Variants in RASSF9 observed in about 807,000 individuals in gnomAD.
The protein encoded by RASSF9 is ras association domain-containing protein 9.
In RASSF9, 18 loss-of-function variants were observed where a neutral mutation model predicts 21.4. The ratio of observed to expected loss-of-function variants is 0.84; its 90% CI spans 0.58 to 1.25. The LOEUF (loss-of-function observed/expected upper bound fraction) is 1.25. Among genes scored for constraint, RASSF9 ranks in the 50% most tolerant of loss-of-function variants. RASSF9 has a pLI of 0.00. For missense variants in RASSF9, 480 were observed against 503.2 expected, an observed-to-expected ratio of 0.95 and a Z score of 0.44; for synonymous variants, 183 against 179.1, an observed-to-expected ratio of 1.02 and a Z score of -0.18.
chr12:85,828,574 T>A (rs924991360), intron 1 of RASSF9, among the ~76,000 whole-genome samples: 9 of 152,156 alleles, frequency 5.9e-5, no homozygotes, highest in Non-Finnish European at 1.5e-5. Context: ...TTTTACTTAA[T>A]CTTCTAAATT....
chr12:85,804,597 A>G lies in RASSF9; in HGVS notation c.*105T>C. 1 of 1,184,764 alleles carries G rather than the reference A, an allele frequency of 8.4e-7. No homozygotes were observed. Among genetic ancestry groups the G allele is most frequent in the East Asian group, 2.6e-5 (1 of 38,946 alleles). 73.4% of individuals were successfully genotyped at this position (1,184,764 alleles called of 1,614,324 possible). On this transcript the variant is annotated 3_prime_UTR_variant, in exon 2 of 2. Transcript: ENST00000361228. ...GAGTTTTTATTAACTATTGAATACT[A>G]CAATATGATTTACATTTTTTTGAGT...
intron 1 of RASSF9, among the ~76,000 whole-genome samples, chr12:85,820,023 G>A (rs1224060638): frequency 1.3e-5 from 2 of 152,152 alleles, no homozygotes; most frequent in Non-Finnish European, 2.9e-5. Context: ...AAATAAATTT[G>A]GAAATTATTT....
rs549105520 is a variant in RASSF9, at chr12:85,835,341, C to T, written c.47+814G>A. 3.3e-5 allele frequency among the ~76,000 whole-genome samples: 5 copies of T among 152,090 alleles called. No individual in the cohort carries two copies. The South Asian group carries it at 6.2e-4, about 19-fold the overall frequency. On this transcript the variant is annotated intron_variant, in intron 1 of 1. Coordinates refer to ENST00000361228, the MANE Select transcript of RASSF9 (RefSeq NM_005447.4). ...TATTCTCAAGTTTTTGGCATGAAAA[C>T]GTAACATTTGATGTGTAAATAAAAT...
chr12:85,834,438 A>C (rs1880517405), intron 1 of RASSF9, among the ~76,000 whole-genome samples: 1 of 152,108 alleles, frequency 6.6e-6, no homozygotes, highest in South Asian at 2.1e-4. Flanking sequence ...ACCTCCTCGA[A>C]AGAAAGCTAG....
chr12:85,825,801 C>T (rs1252566772), intron 1 of RASSF9, among the ~76,000 whole-genome samples: 1 of 151,972 alleles, frequency 6.6e-6, no homozygotes, highest in Admixed American at 6.6e-5. Context: ...CACACACACA[C>T]ACACACACAC....
chr12:85,836,039 T>TA, intron 1 of RASSF9, 116 bp downstream of exon 1: 1 of 1,526,564 alleles, frequency 6.6e-7, no homozygotes, highest in Non-Finnish European at 8.8e-7. Context: ...AGCCTTTTTT[T>TA]ATCAGAATCT....
At chr12:85,833,757 A>G (rs1182429974) in intron 1 of RASSF9, among the ~76,000 whole-genome samples, 1 of 152,016 alleles carries the variant, frequency 6.6e-6, no homozygotes, top group East Asian at 1.9e-4. Context: ...GTTATATATC[A>G]TAAGGCATAT....
chr12:85,811,531 A>G (rs907116602), intron 1 of RASSF9, among the ~76,000 whole-genome samples: 1 of 151,926 alleles, frequency 6.6e-6, no homozygotes, highest in Non-Finnish European at 1.5e-5. Context: ...ATTTACTCAA[A>G]AAAGTGTACA....
chr12:85,804,452 A>T lies in RASSF9; in HGVS notation c.*250T>A, dbSNP rs973926855. ...ATTATCATATGATTCCCATCAAATT[A>T]TTTCTGTGTTCTACAACGACAAGCT... On this transcript the variant is annotated 3_prime_UTR_variant, in exon 2 of 2. Coordinates refer to ENST00000361228, the MANE Select transcript of RASSF9 (RefSeq NM_005447.4). The T allele has an allele frequency of 5.2e-6, 2 of 383,262 alleles. No individual in the cohort carries two copies. The highest frequency in any genetic ancestry group is 4.1e-5 in the African/African-American group (2 of 48,522). The allele number at this position is 383,262 out of a possible 1,614,324, so 23.7% of individuals were successfully genotyped here.
At chr12:85,830,377 G>C (rs1416113896) in intron 1 of RASSF9, among the ~76,000 whole-genome samples, 1 of 152,076 alleles carries the variant, frequency 6.6e-6, no homozygotes, top group Non-Finnish European at 1.5e-5. Flanking sequence ...TGCATTTATG[G>C]ATTCATTCTT....
chr12:85,809,650 TA>T (rs1879907720), intron 1 of RASSF9, among the ~76,000 whole-genome samples: 1 of 149,720 alleles, frequency 6.7e-6, no homozygotes, highest in East Asian at 1.9e-4. Context: ...TATTCATTTT[TA>T]ATAGTAGAAT....
chr12:85,811,629 C>T (rs1192633690), intron 1 of RASSF9, among the ~76,000 whole-genome samples: 2 of 151,800 alleles, frequency 1.3e-5, no homozygotes, highest in Non-Finnish European at 1.5e-5. Flanking sequence ...GTTATCTTCG[C>T]AATTTGCAAG....
chr12:85,829,767 A>T (rs1210984744), intron 1 of RASSF9, among the ~76,000 whole-genome samples: 1 of 152,070 alleles, frequency 6.6e-6, no homozygotes, highest in Non-Finnish European at 1.5e-5. Flanking sequence ...ATCAACATTT[A>T]TTGAGCACCT....
chr12:85,828,023 G>T (rs556193440), intron 1 of RASSF9, among the ~76,000 whole-genome samples: 1 of 152,050 alleles, frequency 6.6e-6, no homozygotes, highest in African/African-American at 2.4e-5. Flanking sequence ...TCAACATATG[G>T]ATTATATTAT....
At chr12:85,815,202 A>G (rs573248468) in intron 1 of RASSF9, among the ~76,000 whole-genome samples, 1 of 152,048 alleles carries the variant, frequency 6.6e-6, no homozygotes, top group South Asian at 2.1e-4. Context: ...CCTCTGGTTT[A>G]GGGGAGTTGT....
chr12:85,809,509 C>T (rs1339580939), intron 1 of RASSF9, among the ~76,000 whole-genome samples: 1 of 152,058 alleles, frequency 6.6e-6, no homozygotes, highest in Non-Finnish European at 1.5e-5. Flanking sequence ...TCTCCCTTAG[C>T]TGACAAAACT....
At position 85,836,294 on chromosome 12, in the gene RASSF9, C is replaced by G; in HGVS notation, c.-93G>C. 3.9e-6 allele frequency: 6 copies of G among 1,536,870 alleles called. No homozygotes were observed. In the South Asian group the frequency reaches 7.2e-5, roughly 18 times the overall value. On this transcript the variant is annotated 5_prime_UTR_variant, in exon 1 of 2. Transcript: ENST00000361228. ...GATTTCCAGGGTGAAGGGAGGAGGG[C>G]TGGAAGCTTTCTCTTCTCCTCGGAT...
At chr12:85,821,300 A>G (rs935170670) in intron 1 of RASSF9, among the ~76,000 whole-genome samples, 5 of 152,168 alleles carry the variant, frequency 3.3e-5, no homozygotes, top group Non-Finnish European at 2.9e-5. Flanking sequence ...GCCCAAAACT[A>G]ACTGATTAAT....
chr12:85,825,783 TAC>T lies in RASSF9; in HGVS notation c.47+10370_47+10371del, dbSNP rs112920213. ...CAAAAGGTAAAAATAATGTGATCTT[TAC>T]ACACACACACACACACACACACACA... On this transcript the variant is annotated intron_variant, in intron 1 of 1. Coordinates refer to ENST00000361228, the MANE Select transcript of RASSF9 (RefSeq NM_005447.4). Among the ~76,000 whole-genome samples, 1,439 of 146,734 alleles carry T rather than the reference TAC, an allele frequency of 9.8e-3. 19 individuals are homozygous for T. The highest frequency in any genetic ancestry group is 0.026 in the African/African-American group (1,022 of 39,904).
Sources: gnomAD v4.1 joint callset for allele counts (sites outside exome capture counted in the v4.1 genomes callset) on GRCh38, gnomAD v4.1.1 for gene constraint, MANE v1.5 for transcripts, NCBI Gene and HGNC (gene_info 2026-07-23, HGNC 2026-07-21) for gene names.